Variants in ADCYAP1R1 observed in about 807,000 individuals in gnomAD.
ADCYAP1R1 encodes the protein pituitary adenylate cyclase-activating polypeptide type I receptor.
Under a neutral mutation model 67.6 loss-of-function variants are expected in ADCYAP1R1, and 44 were observed. That is an observed-to-expected ratio of 0.65 (90% CI 0.51 to 0.84). The LOEUF is 0.84. ADCYAP1R1 is among the 40% of genes least tolerant of loss of function. The probability of loss-of-function intolerance (pLI) is 0.00; values close to 1 mark genes in which losing one functional copy is unlikely to be tolerated. For synonymous variants in ADCYAP1R1, 222 were observed against 219.6 expected, an observed-to-expected ratio of 1.01 and a Z score of -0.10; for missense variants, 477 against 587.9, an observed-to-expected ratio of 0.81 and a Z score of 1.95.
chr7:31,081,168 G>T (rs905214647), intron 5 of ADCYAP1R1, among the ~76,000 whole-genome samples: 3 of 152,096 alleles, frequency 2.0e-5, no homozygotes, highest in African/African-American at 7.2e-5. Flanking sequence ...TGGAAATGGG[G>T]TCTCATTGCT....
chr7:31,070,683 T>C (rs1363140347), intron 3 of ADCYAP1R1, among the ~76,000 whole-genome samples: 3 of 152,220 alleles, frequency 2.0e-5, no homozygotes, highest in Non-Finnish European at 4.4e-5. Flanking sequence ...TTATTCGCTG[T>C]CTGACACAGG....
intron 1 of ADCYAP1R1, among the ~76,000 whole-genome samples, chr7:31,060,896 G>A (rs945119540): frequency 3.9e-5 from 6 of 152,198 alleles, no homozygotes; most frequent in Non-Finnish European, 7.3e-5. Context: ...AGCTATACAC[G>A]AGCATCACCT....
chr7:31,078,584 C>G (rs957395649), intron 4 of ADCYAP1R1, among the ~76,000 whole-genome samples: 12 of 152,228 alleles, frequency 7.9e-5, no homozygotes, highest in Non-Finnish European at 1.8e-4. Flanking sequence ...TGTAGACACC[C>G]CCCTCAGGCA....
intron 1 of ADCYAP1R1, among the ~76,000 whole-genome samples, chr7:31,053,639 C>T (rs1331428809): frequency 6.6e-6 from 1 of 152,208 alleles, no homozygotes; most frequent in Non-Finnish European, 1.5e-5. Context: ...GTGGTGGACA[C>T]CTGCTAATTC....
chr7:31,086,812 G>A lies in ADCYAP1R1; in HGVS notation c.824-131G>A. ...GACCCTCAGGAGGCCTGGGTGTGAG[G>A]GACAGTTAGAATTCCCAGGAATTCC... On this transcript the variant is annotated intron_variant, in intron 10 of 15. Coordinates refer to ENST00000304166, the MANE Select transcript of ADCYAP1R1 (RefSeq NM_001118.5). The surrounding 1 kb of genome is among the most constrained non-coding windows in gnomAD (Gnocchi z 5.0). 1 of 1,054,996 alleles carries A rather than the reference G, an allele frequency of 9.5e-7. No individual in the cohort carries two copies. The highest frequency in any genetic ancestry group is 1.4e-5 in the South Asian group (1 of 72,620). The allele number at this position is 1,054,996 out of a possible 1,614,324, so 65.4% of individuals were successfully genotyped here. A position where few individuals can be genotyped will look rare whatever the true frequency, so the allele number is the denominator to read the frequency against.
Position 31,107,006 on chromosome 7 carries a change from G to C in ADCYAP1R1, c.*322G>C. 3.3e-6 allele frequency: 1 copy of C among 298,842 alleles called. No individual in the cohort carries two copies. 18.5% of individuals were successfully genotyped at this position (298,842 alleles called of 1,614,324 possible). A position where few individuals can be genotyped will look rare whatever the true frequency, so the allele number is the denominator to read the frequency against. Reference sequence around the variant, plus strand: ...AGTCAGGTCTCAGCTCCACCCCACTGTTTCTTGGTCAGCCTCAGTGATGGC... The same window carrying C: ...AGTCAGGTCTCAGCTCCACCCCACTCTTTCTTGGTCAGCCTCAGTGATGGC... On this transcript the variant is annotated 3_prime_UTR_variant, in exon 16 of 16. Transcript: ENST00000304166.
intron 4 of ADCYAP1R1, among the ~76,000 whole-genome samples, chr7:31,078,731 C>G (rs957262568): frequency 6.6e-6 from 1 of 152,212 alleles, no homozygotes; most frequent in Non-Finnish European, 1.5e-5. Flanking sequence ...TGGGCCCTAG[C>G]TGCCCTCAGG....
chr7:31,056,807 C>T (rs1794266976), intron 1 of ADCYAP1R1: 1 of 152,340 alleles, frequency 6.6e-6, no homozygotes, highest in Non-Finnish European at 1.5e-5. Flanking sequence ...GGTGGAACAA[C>T]CCTCCAGCTT....
chr7:31,069,511 G>T (rs1040655876), intron 3 of ADCYAP1R1, among the ~76,000 whole-genome samples: 1 of 152,180 alleles, frequency 6.6e-6, no homozygotes, highest in African/African-American at 2.4e-5. Context: ...TATATTTTGT[G>T]TGTCTCTCAT....
chr7:31,087,179 C>T (rs578006306), intron 11 of ADCYAP1R1, among the ~76,000 whole-genome samples, 176 bp downstream of exon 11: 1 of 152,314 alleles, frequency 6.6e-6, no homozygotes, highest in South Asian at 2.1e-4. Flanking sequence ...GGTGACCCAC[C>T]CAGCTGCGTC....
chr7:31,059,244 A>G (rs1794390288), intron 1 of ADCYAP1R1, among the ~76,000 whole-genome samples: 1 of 152,158 alleles, frequency 6.6e-6, no homozygotes, highest in Non-Finnish European at 1.5e-5. Context: ...AAATTTGCTG[A>G]TGCCTCACTG....
intron 4 of ADCYAP1R1, among the ~76,000 whole-genome samples, chr7:31,078,379 G>T (rs2128626051): frequency 6.6e-6 from 1 of 152,354 alleles, no homozygotes; most frequent in South Asian, 2.1e-4. Context: ...TCTGTCAGCT[G>T]GGTATGTGGC....
chr7:31,070,585 T>C (rs1048955509), intron 3 of ADCYAP1R1, among the ~76,000 whole-genome samples: 3 of 152,210 alleles, frequency 2.0e-5, no homozygotes, highest in Non-Finnish European at 2.9e-5. Context: ...AGGAGCTTCT[T>C]GTCTGGGCCT....
chr7:31,100,248 G>A lies in ADCYAP1R1; in HGVS notation c.1047-2989G>A. On this transcript the variant is annotated intron_variant, in intron 13 of 15. Transcript: ENST00000304166. ...GGCCGAGGCTGTGGCCGGGAATCCT[G>A]GAGGGGTGGGGGACGCATGCTGCCA... is the stretch of plus-strand genomic sequence containing the variant. 3 of 1,541,324 alleles carry A rather than the reference G, an allele frequency of 1.9e-6. No homozygotes were observed. In the Admixed American group the frequency reaches 5.9e-5, roughly 30 times the overall value.
rs145874154 is a variant in ADCYAP1R1 at position 31,084,184 on chromosome 7, G to A, written c.372G>A (p.Ser124=). 7 of 1,614,008 alleles carry A rather than the reference G, an allele frequency of 4.3e-6. No individual in the cohort carries two copies. The highest frequency in any genetic ancestry group is 2.7e-5 in the African/African-American group (2 of 74,904). Residue 124 remains serine (S), a synonymous_variant, in exon 7 of 16, where the codon TCG becomes TCA. Transcript: ENST00000304166. ...GGAACTGCACGGAGGATGGCTGGTC[G>A]GAACCCTTCCCTCATTACTTTGATG... ...VSRNCTEDGW[S]EPFPHYFDAC...
chr7:31,062,631 C>A (rs1794555264), intron 1 of ADCYAP1R1, among the ~76,000 whole-genome samples: 1 of 152,210 alleles, frequency 6.6e-6, no homozygotes, highest in African/African-American at 2.4e-5. Flanking sequence ...CCTACCCACT[C>A]AGATACGGTT....
intron 12 of ADCYAP1R1, among the ~76,000 whole-genome samples, chr7:31,092,034 G>T: frequency 6.7e-6 from 1 of 149,508 alleles, no homozygotes; most frequent in South Asian, 2.3e-4. Flanking sequence ...GGCTGCTTTG[G>T]CTATGCCTGA....
intron 13 of ADCYAP1R1, among the ~76,000 whole-genome samples, chr7:31,098,110 C>T (rs1370770624): frequency 6.6e-6 from 1 of 152,122 alleles, no homozygotes; most frequent in Non-Finnish European, 1.5e-5. Context: ...CCATGTTGCC[C>T]AGGCTGGTCT....
chr7:31,094,276 C>T (rs1796093769), intron 13 of ADCYAP1R1, among the ~76,000 whole-genome samples: 1 of 152,092 alleles, frequency 6.6e-6, no homozygotes, highest in Non-Finnish European at 1.5e-5. Flanking sequence ...GGGGGGCCAG[C>T]CCTTTGCTAC....
Sources: allele counts gnomAD v4.1 joint callset (sites outside exome capture counted in the v4.1 genomes callset), GRCh38; gene constraint gnomAD v4.1.1; non-coding constraint Gnocchi (gnomAD v3.1); transcripts MANE v1.5; gene names NCBI Gene and HGNC (gene_info 2026-07-23, HGNC 2026-07-21).